Variants in LRRC7 observed in about 807,000 individuals in gnomAD.
LRRC7 encodes leucine-rich repeat-containing protein 7.
A neutral mutation model predicts 175.7 loss-of-function variants in LRRC7; 23 were observed. The ratio of observed to expected loss-of-function variants is 0.13; its 90% confidence interval spans 0.09 to 0.19. The LOEUF (loss-of-function observed/expected upper bound fraction) is 0.19, where lower values mean the gene tolerates loss of function less well. LRRC7 is among the 10% of genes least tolerant of loss of function. The probability of loss-of-function intolerance (pLI) is 1.00; values close to 1 mark genes in which losing one functional copy is unlikely to be tolerated. For missense variants in LRRC7, 1,354 were observed against 1,904.7 expected (o/e 0.71, Z 5.38); for synonymous variants, 685 against 680.9 (o/e 1.01, Z -0.09).
At chr1:69,848,722 C>T (rs559057816) in intron 7 of LRRC7, among the ~76,000 whole-genome samples, 183 of 152,092 alleles carry the variant, frequency 1.2e-3, no homozygotes, top group African/African-American at 4.2e-3. Context: ...TTAAAAAGCT[C>T]GCTTTTCTGT....
At chr1:70,063,821 G>T (rs758785458) in intron 23 of LRRC7, among the ~76,000 whole-genome samples, 44 of 152,056 alleles carry the variant, frequency 2.9e-4, no homozygotes, top group Non-Finnish European at 5.0e-4. Flanking sequence ...ATACTCCATC[G>T]TTTTTTAATT....
rs983216975 is a variant in LRRC7 at position 70,039,385 on chromosome 1, G to A, written c.3561G>A (p.Arg1187=). The change falls in exon 21 of 27, where the codon AGG becomes AGA. Residue 1187 remains arginine, a synonymous_variant. Coordinates refer to ENST00000651989, the MANE Select transcript of LRRC7 (RefSeq NM_001370785.2). ...PTDRYGRPPY[R]GGLDRQSSVT... is the part of the protein sequence containing the mutation. ...ATAGGTACGGCAGACCCCCATATAG[G>A]GGAGGGCTGGATCGCCAAAGCAGCG... is the stretch of plus-strand genomic sequence containing the variant. 1.7e-5 allele frequency: 28 copies of A among 1,613,990 alleles called. No homozygotes were observed. Among genetic ancestry groups the A allele is most frequent in the Non-Finnish European group, 2.2e-5 (26 of 1,180,016 alleles).
intron 7 of LRRC7, among the ~76,000 whole-genome samples, chr1:69,910,237 G>A (rs562158901): frequency 2.3e-4 from 35 of 152,306 alleles, no homozygotes; most frequent in African/African-American, 5.8e-4. Context: ...GAGGAAGTGC[G>A]TTCCTTTGGA....
chr1:69,841,738 G>A (rs1938577), intron 7 of LRRC7, among the ~76,000 whole-genome samples: 23,086 of 151,944 alleles, frequency 0.15, 2,356 homozygotes, highest in Non-Finnish European at 0.21. Context: ...TGGTCACTGC[G>A]GACTCTCCAG....
Position 70,011,926 on chromosome 1 carries a change from A to G in LRRC7, c.1134A>G (p.Glu378=). The G allele has an allele frequency of 6.2e-7, 1 of 1,601,246 alleles. No individual in the cohort carries two copies. The highest frequency in any genetic ancestry group is 8.5e-7 in the Non-Finnish European group (1 of 1,169,888). The change falls in exon 12 of 27, where the codon GAA becomes GAG. Residue 378 remains glutamate, a splice_region_variant and synonymous_variant. Transcript: ENST00000651989. ...DENFLPELPR[E]IGSCKNVTVM... The stretch of plus-strand genomic sequence containing the variant: ...ATTTCCTTCCAGAATTACCCAGAGA[A>G]GTGAGAAATAAACTTGTTTTCTATT...
chr1:69,979,945 G>A (rs1009641254), intron 8 of LRRC7, among the ~76,000 whole-genome samples: 4 of 151,820 alleles, frequency 2.6e-5, no homozygotes, highest in African/African-American at 7.3e-5. Context: ...TGTGCAAGGC[G>A]CTAATACACA....
intron 1 of LRRC7, among the ~76,000 whole-genome samples, chr1:69,634,339 T>A (rs758401623): frequency 6.6e-6 from 1 of 152,260 alleles, no homozygotes; most frequent in South Asian, 2.1e-4. Context: ...TCTAATTTTA[T>A]GTTGATTTTG....
rs545263487 is a variant in LRRC7, at chr1:69,978,624, G to A, written c.712-1755G>A. On this transcript the variant is annotated intron_variant, in intron 8 of 26. Transcript: ENST00000651989. Reference sequence around the variant, plus strand: ...TCTCTAATTTTAAATTTCAATCCTTGTTATAAAGGAAACTTCTCCCAAGAA... The same window carrying A: ...TCTCTAATTTTAAATTTCAATCCTTATTATAAAGGAAACTTCTCCCAAGAA... Among the ~76,000 whole-genome samples the A allele has an allele frequency of 6.4e-4, 97 of 152,174 alleles. 2 individuals carry two copies. Among genetic ancestry groups the A allele is most frequent in the African/African-American group, 2.1e-3 (89 of 41,514 alleles).
intron 23 of LRRC7, among the ~76,000 whole-genome samples, chr1:70,060,093 G>A (rs949078238): frequency 6.6e-6 from 1 of 152,056 alleles, no homozygotes; most frequent in East Asian, 1.9e-4. Context: ...CGAGGCAAGC[G>A]GATCACTTGA....
Position 70,073,653 on chromosome 1 carries a change from G to A in LRRC7, c.4231-2424G>A, listed in dbSNP as rs1199238481. 4.6e-5 allele frequency among the ~76,000 whole-genome samples: 7 copies of A among 152,040 alleles called. No individual in the cohort carries two copies. In the East Asian group the frequency reaches 1.3e-3, roughly 29 times the overall value. ...TCTGGATCCTTCTAAGTTTGTCTGG[G>A]TGGAAAAATGCTTTGCTTATCTATA... is the stretch of plus-strand genomic sequence containing the variant. On this transcript the variant is annotated intron_variant, in intron 23 of 26. Coordinates refer to ENST00000651989, the MANE Select transcript of LRRC7 (RefSeq NM_001370785.2).
chr1:69,646,067 A>AC (rs1654964564), intron 1 of LRRC7, among the ~76,000 whole-genome samples: 1 of 152,116 alleles, frequency 6.6e-6, no homozygotes, highest in African/African-American at 2.4e-5. Context: ...GATTAAAAAG[A>AC]TGTACATAAT....
intron 26 of LRRC7, among the ~76,000 whole-genome samples, chr1:70,119,203 G>A (rs1666056097): frequency 6.6e-6 from 1 of 151,834 alleles, no homozygotes; most frequent in African/African-American, 2.4e-5. Context: ...GACAAGGACT[G>A]TGGTCCTTTG....
rs752653970 is a variant in LRRC7, at chr1:70,053,153, A to G, written c.4230+8A>G. ...GACACCATTACTAAGAAGGTAACCA[A>G]TTTTTAATTAACAAGACAAACCATG... On this transcript the variant is annotated splice_region_variant and intron_variant, in intron 23 of 26. Transcript: ENST00000651989. The G allele has an allele frequency of 1.3e-6, 2 of 1,597,630 alleles. No individual in the cohort carries two copies. The highest frequency in any genetic ancestry group is 1.3e-5 in the African/African-American group (1 of 74,248).
At chr1:69,883,178 G>A (rs1686813096) in intron 7 of LRRC7, among the ~76,000 whole-genome samples, 1 of 151,612 alleles carries the variant, frequency 6.6e-6, no homozygotes, top group Middle Eastern at 3.2e-3. Flanking sequence ...AGATCCCTGA[G>A]GAATCACCAC....
At chr1:69,707,558 GGC>G (rs1219772555) in intron 2 of LRRC7, among the ~76,000 whole-genome samples, 58 of 152,194 alleles carry the variant, frequency 3.8e-4, no homozygotes, top group African/African-American at 1.4e-3. Flanking sequence ...CTCTGTCTCA[GGC>G]AGTCTGAGGC....
chr1:69,835,090 T>C (rs1296907611), intron 6 of LRRC7, among the ~76,000 whole-genome samples: 1 of 151,692 alleles, frequency 6.6e-6, no homozygotes, highest in Non-Finnish European at 1.5e-5. Context: ...CTAGATGAAT[T>C]AAAGAGTTGG....
At chr1:69,848,856 AT>A (rs1329945608) in intron 7 of LRRC7, among the ~76,000 whole-genome samples, 1 of 152,090 alleles carries the variant, frequency 6.6e-6, no homozygotes, top group Non-Finnish European at 1.5e-5. Context: ...ACTTCATGAT[AT>A]TAATTTCTTT....
intron 1 of LRRC7, among the ~76,000 whole-genome samples, chr1:69,651,429 T>G (rs183668121): frequency 2.1e-3 from 313 of 152,306 alleles, no homozygotes; most frequent in African/African-American, 6.8e-3. Flanking sequence ...GAGTTTTCAT[T>G]TTGTCTTGCT....
intron 17 of LRRC7, among the ~76,000 whole-genome samples, chr1:70,026,654 T>C (rs1193351746): frequency 6.6e-6 from 1 of 152,172 alleles, no homozygotes; most frequent in South Asian, 2.1e-4. Context: ...TATTTCTATA[T>C]ATTATCAATG....
Sources: allele counts gnomAD v4.1 joint callset (sites outside exome capture counted in the v4.1 genomes callset), GRCh38; gene constraint gnomAD v4.1.1; transcripts MANE v1.5; gene names NCBI Gene and HGNC (gene_info 2026-07-23, HGNC 2026-07-21).